FRMD3: variants seen among roughly 807,000 people sequenced by gnomAD.
The protein encoded by FRMD3 is FERM domain containing 3, also known as FERM domain-containing protein 3.
Under a neutral mutation model 70.2 loss-of-function variants are expected in FRMD3, and 33 were observed. That is an observed-to-expected ratio of 0.47 (90% CI 0.36 to 0.63). The LOEUF (loss-of-function observed/expected upper bound fraction) is 0.63. FRMD3 is among the 20% of genes least tolerant of loss of function. FRMD3 has a pLI of 0.00. For synonymous variants in FRMD3, 279 were observed against 255.9 expected, an observed-to-expected ratio of 1.09 and a Z score of -0.86; for missense variants, 632 against 711.4, an observed-to-expected ratio of 0.89 and a Z score of 1.27.
At chr9:83,410,009 G>T (rs2131337483) in intron 1 of FRMD3, among the ~76,000 whole-genome samples, 1 of 152,274 alleles carries the variant, frequency 6.6e-6, no homozygotes, top group Non-Finnish European at 1.5e-5. Flanking sequence ...CTTTCCTCCA[G>T]GTCAGACGAC....
chr9:83,498,681 G>T (rs1828996722), intron 1 of FRMD3, among the ~76,000 whole-genome samples: 1 of 151,944 alleles, frequency 6.6e-6, no homozygotes, highest in South Asian at 2.1e-4. Context: ...CATTTCTACT[G>T]AACAGCTCTA....
chr9:83,363,442 G>A (rs2131230424), intron 3 of FRMD3, among the ~76,000 whole-genome samples: 1 of 151,036 alleles, frequency 6.6e-6, no homozygotes, highest in South Asian at 2.1e-4. Context: ...CTTTCTCAGT[G>A]TTATAAGCAA....
At chr9:83,521,116 G>A (rs1829562899) in intron 1 of FRMD3, among the ~76,000 whole-genome samples, 2 of 151,814 alleles carry the variant, frequency 1.3e-5, no homozygotes, top group African/African-American at 4.8e-5. Flanking sequence ...TCTAGTCTGG[G>A]TGACAAGCAC....
intron 1 of FRMD3, among the ~76,000 whole-genome samples, chr9:83,395,670 T>G (rs1825792532): frequency 6.6e-6 from 1 of 151,710 alleles, no homozygotes; most frequent in Admixed American, 6.6e-5. Context: ...TTACTTCAAC[T>G]CCCAAGTTCA....
At chr9:83,379,392 T>C (rs1479672684) in intron 2 of FRMD3, among the ~76,000 whole-genome samples, 1 of 152,214 alleles carries the variant, frequency 6.6e-6, no homozygotes, top group Non-Finnish European at 1.5e-5. Context: ...GTTCTGATAT[T>C]TTTAAGTCTT....
chr9:83,582,596 G>A, the FRMD3 span, among the ~76,000 whole-genome samples: 2 of 152,038 alleles, frequency 1.3e-5, no homozygotes, highest in Non-Finnish European at 2.9e-5. Context: ...CTTGGATGAG[G>A]TATAAAACTC....
At chr9:83,531,182 A>G (rs1829784794) in intron 1 of FRMD3, among the ~76,000 whole-genome samples, 2 of 152,192 alleles carry the variant, frequency 1.3e-5, no homozygotes, top group South Asian at 4.1e-4. Context: ...AGGCAAAGGA[A>G]CCCCAGAGAA....
chr9:83,433,117 T>C (rs1402940898), intron 1 of FRMD3, among the ~76,000 whole-genome samples: 1 of 152,214 alleles, frequency 6.6e-6, no homozygotes, highest in South Asian at 2.1e-4. Context: ...TATACCACAT[T>C]TTCTTTATCA....
rs115019383 is a variant in FRMD3 at position 83,357,613 on chromosome 9, G to T, written c.296-7856C>A. Among the ~76,000 whole-genome samples the T allele has an allele frequency of 3.6e-3, 544 of 151,716 alleles. 4 individuals are homozygous for T. Among genetic ancestry groups the T allele is most frequent in the African/African-American group, 0.012 (490 of 41,358 alleles). Reference sequence around the variant, plus strand: ...TATTATTTTTTTATTTTTAATTATGGCCATTCTTGCAGTAGTAACGTATCA... The same window carrying T: ...TATTATTTTTTTATTTTTAATTATGTCCATTCTTGCAGTAGTAACGTATCA... On this transcript the variant is annotated intron_variant, in intron 3 of 13. Transcript: ENST00000304195.
At chr9:83,581,459 C>A in the FRMD3 span, among the ~76,000 whole-genome samples, 2 of 152,120 alleles carry the variant, frequency 1.3e-5, no homozygotes, top group Non-Finnish European at 2.9e-5. Context: ...CAGATAATAA[C>A]AAGTATTGTC....
intron 1 of FRMD3, among the ~76,000 whole-genome samples, chr9:83,532,660 C>T (rs1829813241): frequency 6.6e-6 from 1 of 152,270 alleles, no homozygotes; most frequent in African/African-American, 2.4e-5. Flanking sequence ...TAATTCCATT[C>T]CTTCCATAAT....
intron 1 of FRMD3, among the ~76,000 whole-genome samples, chr9:83,422,273 C>G (rs1290308890): frequency 1.3e-5 from 2 of 152,066 alleles, no homozygotes; most frequent in African/African-American, 4.8e-5. Context: ...CCTGAAGACC[C>G]TCAAGAGACC....
intron 2 of FRMD3, among the ~76,000 whole-genome samples, chr9:83,379,259 G>T (rs76881224): frequency 0.014 from 2,111 of 152,230 alleles, 50 homozygotes; most frequent in African/African-American, 0.048. Flanking sequence ...TGGAGGTACA[G>T]ATGGATTACA....
chr9:83,437,997 A>G (rs1827185813), intron 1 of FRMD3, among the ~76,000 whole-genome samples: 1 of 152,190 alleles, frequency 6.6e-6, no homozygotes. Context: ...TCAGTTTTGC[A>G]GAATCAGCCT....
At chr9:83,288,341 C>T (rs1476915942) in intron 13 of FRMD3, among the ~76,000 whole-genome samples, 1 of 152,160 alleles carries the variant, frequency 6.6e-6, no homozygotes. Context: ...GCTATGTCTC[C>T]AGTGGATATC....
intron 13 of FRMD3, among the ~76,000 whole-genome samples, chr9:83,273,987 T>G (rs1248426643): frequency 6.6e-6 from 1 of 152,156 alleles, no homozygotes; most frequent in African/African-American, 2.4e-5. Context: ...TTGGATAATT[T>G]TTTTACATTT....
At chr9:83,554,066 C>T in the FRMD3 span, among the ~76,000 whole-genome samples, 4 of 152,114 alleles carry the variant, frequency 2.6e-5, no homozygotes, top group Non-Finnish European at 2.9e-5. Flanking sequence ...CAAGGTTTTG[C>T]GTAGTGGCTT....
At chr9:83,576,655 G>A in the FRMD3 span, among the ~76,000 whole-genome samples, 1 of 151,892 alleles carries the variant, frequency 6.6e-6, no homozygotes, top group East Asian at 1.9e-4. Context: ...CATCTTAATA[G>A]TAAAAGATTA....
chr9:83,550,456 TA>T, the FRMD3 span, among the ~76,000 whole-genome samples: 1 of 152,046 alleles, frequency 6.6e-6, no homozygotes, highest in East Asian at 1.9e-4. Flanking sequence ...TATAAATTTT[TA>T]AGTAATTTTT....
Sources: gnomAD v4.1 joint callset for allele counts (sites outside exome capture counted in the v4.1 genomes callset) on GRCh38, gnomAD v4.1.1 for gene constraint, MANE v1.5 for transcripts, NCBI Gene and HGNC (gene_info 2026-07-23, HGNC 2026-07-21) for gene names.